The following CSRP2 variants were observed in gnomAD, a reference collection of about 807,000 sequenced individuals.
CSRP2 encodes the protein cysteine and glycine rich protein 2.
Under a neutral mutation model 24.6 loss-of-function variants are expected in CSRP2, and 18 were observed. That is an observed-to-expected ratio of 0.73 (90% CI 0.51 to 1.09). The LOEUF is 1.09. CSRP2 is among the 50% of genes least tolerant of loss of function. The probability of loss-of-function intolerance (pLI) is 0.00; values close to 1 mark genes in which losing one functional copy is unlikely to be tolerated. For missense variants in CSRP2, 215 were observed against 239.4 expected, an observed-to-expected ratio of 0.90 and a Z score of 0.67; for synonymous variants, 87 against 84.3, an observed-to-expected ratio of 1.03 and a Z score of -0.18.
At chr12:76,875,605 T>C (rs1397530819) in intron 1 of CSRP2, among the ~76,000 whole-genome samples, 1 of 152,216 alleles carries the variant, frequency 6.6e-6, no homozygotes, top group African/African-American at 2.4e-5. Flanking sequence ...CTGAGACTCT[T>C]GTTTATTTGC....
intron 1 of CSRP2, among the ~76,000 whole-genome samples, chr12:76,871,643 A>G (rs1002837403): frequency 3.9e-5 from 6 of 152,022 alleles, no homozygotes; most frequent in African/African-American, 1.4e-4. Flanking sequence ...AGGTGCCTGT[A>G]GTCCCAGCTA....
At chr12:76,878,042 AT>A (rs1953869763) in intron 1 of CSRP2, among the ~76,000 whole-genome samples, 2 of 135,936 alleles carry the variant, frequency 1.5e-5, no homozygotes, top group South Asian at 4.8e-4. Context: ...CAGACTGCAA[AT>A]AAAACAGGTT....
At chr12:76,868,992 CT>C (rs1210534750) in intron 1 of CSRP2, among the ~76,000 whole-genome samples, 4 of 151,894 alleles carry the variant, frequency 2.6e-5, no homozygotes, top group African/African-American at 7.2e-5. Context: ...GACTCTACCC[CT>C]ATCTTAGTCT....
At chr12:76,863,005 T>A in intron 3 of CSRP2, 171 bp downstream of exon 3, 1 of 1,439,510 alleles carries the variant, frequency 6.9e-7, no homozygotes, top group South Asian at 1.5e-5. Context: ...AATAAGAACT[T>A]TGTTAGGTCC....
At chr12:76,859,403 C>T (rs958147080) in intron 5 of CSRP2, 144 bp downstream of exon 5, 4 of 623,774 alleles carry the variant, frequency 6.4e-6, no homozygotes, top group East Asian at 5.5e-5. Flanking sequence ...GGTTCTCTGT[C>T]ATCTATAAGC....
At chr12:76,864,425 G>T (rs1464559488) in intron 2 of CSRP2, 7 of 152,104 alleles carry the variant, frequency 4.6e-5, no homozygotes. Flanking sequence ...AGCACAACAG[G>T]ATGATTACTG....
rs769534944 is a variant in CSRP2 at position 76,866,167 on chromosome 12, G to A, written c.94C>T (p.Arg32Cys). 6 of 1,613,356 alleles carry A rather than the reference G, an allele frequency of 3.7e-6. No homozygotes were observed. Among genetic ancestry groups the A allele is most frequent in the African/African-American group, 1.3e-5 (1 of 74,862 alleles). Residue 32 changes from arginine to cysteine, a missense_variant, in exon 2 of 6, where the codon CGC becomes TGC. Physicochemically the swap from Arg to Cys is radical, Grantham distance 180. Transcript: ENST00000311083. ...TACTTACTGCAGAGAAAGCAGCAGC[G>A]GTGGAAGCTCCTGCCATCACACTGC... Reference protein sequence around the residue: ...EVQCDGRSFHRCCFLCMVCRK... With the variant: ...EVQCDGRSFHCCCFLCMVCRK...
Position 76,873,159 on chromosome 12 carries a change from A to T in CSRP2, c.-2+5779T>A, listed in dbSNP as rs866576428. Among the ~76,000 whole-genome samples, 3 of 152,306 alleles carry T rather than the reference A, an allele frequency of 2.0e-5. No individual in the cohort carries two copies. The South Asian group carries it at 6.2e-4, about 32-fold the overall frequency. On this transcript the variant is annotated intron_variant, in intron 1 of 5. Transcript: ENST00000311083. Reference sequence around the variant, plus strand: ...CCTCCAGAAGCTTTGACATTTTATTACTACATGTAGGGCCTTGTTATTACA... The same window carrying T: ...CCTCCAGAAGCTTTGACATTTTATTTCTACATGTAGGGCCTTGTTATTACA...
In CSRP2 at chr12:76,863,361, T is replaced by TA. The variant is rs1565822277; in HGVS notation, c.113-18dup. ...TGCAAACCACTGCAGGGGAAAAAGT[T>TA]AGACTTTACACATGTTCCAAAGATG... On this transcript the variant is annotated splice_polypyrimidine_tract_variant and intron_variant, in intron 2 of 5. Coordinates refer to ENST00000311083, the MANE Select transcript of CSRP2 (RefSeq NM_001321.3). The TA allele has an allele frequency of 1.2e-6, 2 of 1,612,928 alleles. No homozygotes were observed. The highest frequency in any genetic ancestry group is 1.7e-6 in the Non-Finnish European group (2 of 1,179,494).
chr12:76,861,575 A>G (rs952605836), intron 3 of CSRP2: 16 of 152,160 alleles, frequency 1.1e-4, no homozygotes, highest in African/African-American at 3.9e-4. Context: ...AAAGGAGAGC[A>G]GAACAAGTAA....
intron 1 of CSRP2, 56 bp from the exon 2 acceptor site, chr12:76,866,317 G>A: frequency 7.1e-7 from 1 of 1,408,002 alleles, no homozygotes; most frequent in South Asian, 1.2e-5. Flanking sequence ...CGGCTCCCTA[G>A]AGGGCTATTT....
intron 1 of CSRP2, among the ~76,000 whole-genome samples, chr12:76,868,054 T>C (rs1287324469): frequency 6.6e-6 from 1 of 152,198 alleles, no homozygotes; most frequent in Non-Finnish European, 1.5e-5. Flanking sequence ...AAAGCAGCCA[T>C]CTCTTTCTTA....
intron 1 of CSRP2, among the ~76,000 whole-genome samples, chr12:76,867,332 TAA>T (rs33997080): frequency 0.31 from 30,764 of 99,986 alleles, 4,752 homozygotes; most frequent in East Asian, 0.61. Flanking sequence ...CTGCTAAATT[TAA>T]AAAAAAAAAA....
At chr12:76,871,494 GAT>G (rs1953796030) in intron 1 of CSRP2, among the ~76,000 whole-genome samples, 3 of 152,208 alleles carry the variant, frequency 2.0e-5, no homozygotes, top group East Asian at 1.9e-4. Context: ...GTTCAAGCCG[GAT>G]GCGGTGGCTC....
intron 1 of CSRP2, among the ~76,000 whole-genome samples, chr12:76,878,502 G>T (rs1173490993): frequency 6.6e-6 from 1 of 152,146 alleles, no homozygotes; most frequent in African/African-American, 2.4e-5. Context: ...CACACTCCGG[G>T]CAGAGGGGGC....
At chr12:76,874,921 G>A (rs532894897) in intron 1 of CSRP2, among the ~76,000 whole-genome samples, 1 of 152,260 alleles carries the variant, frequency 6.6e-6, no homozygotes, top group Non-Finnish European at 1.5e-5. Context: ...TGAAAAAACT[G>A]TCTTCCACAA....
intron 2 of CSRP2, chr12:76,863,671 T>A (rs1592508710): frequency 5.1e-6 from 1 of 197,614 alleles, no homozygotes; most frequent in Non-Finnish European, 1.0e-5. Context: ...TTACTATGAT[T>A]TCCCTTTCTG....
intron 5 of CSRP2, 89 bp downstream of exon 5, chr12:76,859,458 T>C: frequency 7.5e-6 from 4 of 532,836 alleles, no homozygotes; most frequent in Non-Finnish European, 1.2e-5. Flanking sequence ...ATACTTTTCT[T>C]TTTTTTTTTT....
chr12:76,869,843 C>T (rs771195031), intron 1 of CSRP2, among the ~76,000 whole-genome samples: 22 of 152,160 alleles, frequency 1.4e-4, no homozygotes, highest in Non-Finnish European at 2.6e-4. Flanking sequence ...ATAAGCCTGG[C>T]GGTAAAACCT....
Sources: gnomAD v4.1 joint callset for allele counts (sites outside exome capture counted in the v4.1 genomes callset) on GRCh38, gnomAD v4.1.1 for gene constraint, MANE v1.5 for transcripts, NCBI Gene and HGNC (gene_info 2026-07-23, HGNC 2026-07-21) for gene names.